MTF2: variants seen among roughly 807,000 people sequenced by gnomAD.
MTF2 encodes the protein metal response element binding transcription factor 2, also known as metal-response element-binding transcription factor 2.
A neutral mutation model predicts 79.5 loss-of-function variants in MTF2; 11 were observed. The observed-to-expected ratio is 0.14, with a 90% CI of 0.09 to 0.23. MTF2 has a LOEUF of 0.23. Ranked by LOEUF, MTF2 falls within the 10% of genes least tolerant of loss-of-function variation. MTF2 has a pLI of 1.00. For missense variants in MTF2, 486 were observed against 711.2 expected, an observed-to-expected ratio of 0.68 and a Z score of 3.60; for synonymous variants, 208 against 232.8, an observed-to-expected ratio of 0.89 and a Z score of 0.97.
intron 9 of MTF2, among the ~76,000 whole-genome samples, chr1:93,123,291 A>G (rs1194753873): frequency 1.4e-5 from 2 of 138,598 alleles, no homozygotes; most frequent in Non-Finnish European, 3.0e-5. Flanking sequence ...ACCCTTGCTC[A>G]GGCTGGAGTG....
intron 11 of MTF2, 132 bp from the exon 12 acceptor site, chr1:93,133,571 C>T: frequency 2.7e-6 from 1 of 364,390 alleles, no homozygotes; most frequent in Non-Finnish European, 4.6e-6. Flanking sequence ...GTGGATTCAA[C>T]TAATATTTAC....
chr1:93,127,057 A>T (rs1481475280), intron 9 of MTF2, among the ~76,000 whole-genome samples, 175 bp from the exon 10 acceptor site: 1 of 152,144 alleles, frequency 6.6e-6, no homozygotes, highest in Non-Finnish European at 1.5e-5. Flanking sequence ...AAGCCTTGAG[A>T]GGTTAAATGG....
chr1:93,101,579 T>TGTTTTG (rs1421358491), intron 1 of MTF2, among the ~76,000 whole-genome samples: 19 of 103,364 alleles, frequency 1.8e-4, no homozygotes, highest in African/African-American at 6.7e-4. Flanking sequence ...TTTTTTTTTT[T>TGTTTTG]TTTTTTTTTT....
At chr1:93,095,561 G>A (rs1655252993) in intron 1 of MTF2, among the ~76,000 whole-genome samples, 1 of 151,688 alleles carries the variant, frequency 6.6e-6, no homozygotes, top group Admixed American at 6.6e-5. Context: ...GGATGGTCTC[G>A]AACTCCTGAC....
Position 93,136,919 on chromosome 1 carries a change from T to G in MTF2, c.1674T>G (p.Ala558=). Residue 558 remains alanine (A), a synonymous_variant, in exon 15 of 15, where the codon GCT becomes GCG. Transcript: ENST00000370298. Reference sequence around the variant, plus strand: ...ACTCCATTACCAGTTATTTTGGTGCTGCAGGTAGAATAGCATGTGGCGAAA... The same window carrying G: ...ACTCCATTACCAGTTATTTTGGTGCGGCAGGTAGAATAGCATGTGGCGAAA... ...LKNSITSYFG[A]AGRIACGEKY... The G allele has an allele frequency of 6.2e-7, 1 of 1,614,188 alleles. No homozygotes were observed. Among genetic ancestry groups the G allele is most frequent in the Non-Finnish European group, 8.5e-7 (1 of 1,180,022 alleles).
In MTF2 at chr1:93,138,236, T is replaced by C. The variant is rs1647479490; in HGVS notation, c.*1209T>C. On this transcript the variant is annotated 3_prime_UTR_variant, in exon 15 of 15. Transcript: ENST00000370298. ...TTACTTGTAAAAAAAAAGTTTCTTT[T>C]ATCACCAGTGTTACAGTTGTCTTCT... The C allele has an allele frequency of 6.6e-6, 1 of 152,230 alleles. No homozygotes were observed. Among genetic ancestry groups the C allele is most frequent in the African/African-American group, 2.4e-5 (1 of 41,462 alleles). 9.4% of individuals were successfully genotyped at this position (152,230 alleles called of 1,614,324 possible). A position where few individuals can be genotyped will look rare whatever the true frequency, so the allele number is the denominator to read the frequency against.
At chr1:93,135,238 C>T (rs1647338651) in intron 14 of MTF2, among the ~76,000 whole-genome samples, 1 of 152,164 alleles carries the variant, frequency 6.6e-6, no homozygotes, top group South Asian at 2.1e-4. Context: ...TCCCAAAGTG[C>T]CGGGATTACA....
intron 8 of MTF2, 60 bp from the exon 9 acceptor site, chr1:93,120,489 T>C (rs1656432482): frequency 2.0e-6 from 3 of 1,470,110 alleles, no homozygotes; most frequent in Non-Finnish European, 2.7e-6. Context: ...AAGGAAACCG[T>C]GATTTTTTAA....
intron 9 of MTF2, among the ~76,000 whole-genome samples, chr1:93,124,865 A>T (rs1033191869): frequency 6.6e-6 from 1 of 151,876 alleles, no homozygotes; most frequent in Admixed American, 6.6e-5. Flanking sequence ...TATATAATAA[A>T]CCTCATGGTC....
chr1:93,114,435 G>A (rs72955366), intron 3 of MTF2, among the ~76,000 whole-genome samples: 13,414 of 152,256 alleles, frequency 0.088, 678 homozygotes, highest in African/African-American at 0.13. Flanking sequence ...AGTAATAAGG[G>A]AAGATGCTCA....
At chr1:93,106,727 G>T (rs1174814018) in intron 1 of MTF2, among the ~76,000 whole-genome samples, 2 of 152,072 alleles carry the variant, frequency 1.3e-5, no homozygotes, top group Non-Finnish European at 2.9e-5. Flanking sequence ...CTCCATGTTG[G>T]TCAGGCTGGT....
At chr1:93,122,122 A>G (rs895714593) in intron 9 of MTF2, among the ~76,000 whole-genome samples, 12 of 152,150 alleles carry the variant, frequency 7.9e-5, no homozygotes, top group Non-Finnish European at 2.9e-5. Flanking sequence ...AATTTTAATA[A>G]ACTGATTAGT....
Position 93,114,666 on chromosome 1 carries a change from T to A in MTF2, c.287-22T>A, listed in dbSNP as rs746305431. 3.9e-6 allele frequency: 6 copies of A among 1,556,444 alleles called. No homozygotes were observed. The East Asian group carries it at 9.0e-5, about 23-fold the overall frequency. On this transcript the variant is annotated intron_variant, in intron 3 of 14. Transcript: ENST00000370298. Reference sequence around the variant, plus strand: ...TGGAATTTTTTATGACTCTCTTTTTTAATGTGTTTTAAATATTTTAGGAGC... The same window carrying A: ...TGGAATTTTTTATGACTCTCTTTTTAAATGTGTTTTAAATATTTTAGGAGC...
At chr1:93,118,284 GA>G in intron 6 of MTF2, 60 bp from the exon 7 acceptor site, 1 of 535,702 alleles carries the variant, frequency 1.9e-6, no homozygotes, top group South Asian at 3.1e-5. Flanking sequence ...TTTTTTTAAA[GA>G]AATGAACCTT....
intron 1 of MTF2, among the ~76,000 whole-genome samples, chr1:93,083,639 A>G (rs952744335): frequency 6.6e-5 from 10 of 152,208 alleles, no homozygotes; most frequent in Non-Finnish European, 1.0e-4. Context: ...AGGAACTGCC[A>G]AACTGTTTTT....
rs760782761 is a variant in MTF2, at chr1:93,138,683, C to G, written c.*1656C>G. On this transcript the variant is annotated 3_prime_UTR_variant, in exon 15 of 15. Coordinates refer to ENST00000370298, the MANE Select transcript of MTF2 (RefSeq NM_007358.4). ...ACCTCCACCAAAACTTGATTTTCCC[C>G]TAGCTATTAATTTAAGGTTGCCTTT... is the stretch of plus-strand genomic sequence containing the variant. The G allele has an allele frequency of 1.3e-5, 2 of 152,160 alleles. No individual in the cohort carries two copies. Among genetic ancestry groups the G allele is most frequent in the African/African-American group, 4.8e-5 (2 of 41,426 alleles). The allele number at this position is 152,160 out of a possible 1,614,324, so 9.4% of individuals were successfully genotyped here.
intron 5 of MTF2, 134 bp from the exon 6 acceptor site, chr1:93,115,336 A>T: frequency 1.3e-6 from 1 of 755,120 alleles, no homozygotes; most frequent in Non-Finnish European, 2.1e-6. Context: ...GATTATTATT[A>T]ATCAGACAGT....
chr1:93,112,293 T>G (rs150915460), intron 3 of MTF2, among the ~76,000 whole-genome samples: 1 of 152,194 alleles, frequency 6.6e-6, no homozygotes, highest in African/African-American at 2.4e-5. Flanking sequence ...GAGGAGTGGG[T>G]TTAGTAGTTT....
intron 3 of MTF2, among the ~76,000 whole-genome samples, chr1:93,113,746 G>T (rs1427416026): frequency 6.6e-6 from 1 of 151,936 alleles, no homozygotes; most frequent in Non-Finnish European, 1.5e-5. Context: ...GTTTTCTCAG[G>T]GTCTTTGGGT....
Sources: gnomAD v4.1 joint callset for allele counts (sites outside exome capture counted in the v4.1 genomes callset) on GRCh38, gnomAD v4.1.1 for gene constraint, MANE v1.5 for transcripts, NCBI Gene and HGNC (gene_info 2026-07-23, HGNC 2026-07-21) for gene names.